Variants in ACLY observed in about 807,000 individuals in gnomAD.
The protein encoded by ACLY is ATP-citrate synthase.
ACLY carries 41 observed loss-of-function variants against 133.0 expected under a neutral mutation model. That is an observed-to-expected ratio of 0.31 (90% CI 0.24 to 0.40). ACLY has a LOEUF of 0.40. ACLY is among the 10% of genes least tolerant of loss of function. The pLI is 1.00. For missense variants in ACLY, 1,046 were observed against 1,453.8 expected (o/e 0.72, Z 4.56); for synonymous variants, 495 against 549.3 (o/e 0.90, Z 1.38).
intron 22 of ACLY, 61 bp downstream of exon 22, chr17:41,878,042 C>T: frequency 8.0e-7 from 1 of 1,246,840 alleles, no homozygotes; most frequent in African/African-American, 1.5e-5. Flanking sequence ...ACGCGAAACC[C>T]ACCACCATAG....
intron 20 of ACLY, 38 bp downstream of exon 20, chr17:41,883,084 C>T: frequency 6.5e-7 from 1 of 1,548,384 alleles, no homozygotes; most frequent in Non-Finnish European, 8.8e-7. Flanking sequence ...TCTTGCAATC[C>T]CCACTCCCAG....
chr17:41,889,412 G>A (rs1168989749), intron 16 of ACLY, among the ~76,000 whole-genome samples: 2 of 150,596 alleles, frequency 1.3e-5, no homozygotes, highest in African/African-American at 4.9e-5. Flanking sequence ...CCAGCTACTC[G>A]GGAGGCTGAG....
At chr17:41,885,322 TGA>T (rs1338745156) in intron 18 of ACLY, among the ~76,000 whole-genome samples, 1 of 152,050 alleles carries the variant, frequency 6.6e-6, no homozygotes, top group Admixed American at 6.6e-5. Flanking sequence ...AAGACCTTGG[TGA>T]GAGTTCTTCC....
At chr17:41,919,597 G>T (rs140499656), upstream of ACLY, among the ~76,000 whole-genome samples, 10 of 152,324 alleles carry the variant, frequency 6.6e-5, no homozygotes, top group East Asian at 1.9e-3. Flanking sequence ...AAGCAAGTGG[G>T]GCTAGGAGGG....
intron 25 of ACLY, among the ~76,000 whole-genome samples, chr17:41,871,426 C>T (rs2048594851): frequency 6.6e-6 from 1 of 150,738 alleles, no homozygotes. Flanking sequence ...AATCTCGGCT[C>T]ACCACAACCT....
chr17:41,887,127 GAAAAAAAAAAAAA>G lies in ACLY; in HGVS notation c.1875+459_1875+471del, dbSNP rs535668437. ...TAACAGGGCAAGACTCCGTCTCAAA[GAAAAAAAAAAAAA>G]AAAAAAAAAAAAAAAAGGCCAAACA... On this transcript the variant is annotated intron_variant, in intron 17 of 28. Transcript: ENST00000352035. 2.8e-3 allele frequency among the ~76,000 whole-genome samples: 312 copies of G among 110,340 alleles called. 7 individuals are homozygous for G. The highest frequency in any genetic ancestry group is 0.022 in the Admixed American group (247 of 11,382). 72.4% of individuals were successfully genotyped at this position (110,340 alleles called of 152,430 possible). A position where few individuals can be genotyped will look rare whatever the true frequency, so the allele number is the denominator to read the frequency against.
chr17:41,888,288 G>A (rs34198442), intron 16 of ACLY, among the ~76,000 whole-genome samples: 6,454 of 152,280 alleles, frequency 0.042, 469 homozygotes, highest in African/African-American at 0.15. Context: ...CCACCCAAGA[G>A]AGGCAGGTAT....
intron 11 of ACLY, among the ~76,000 whole-genome samples, chr17:41,899,312 T>C (rs2049460547): frequency 6.6e-6 from 1 of 151,568 alleles, no homozygotes; most frequent in Non-Finnish European, 1.5e-5. Context: ...ACATATTTAC[T>C]GGCAAGATTC....
At chr17:41,902,962 A>T (rs1214600657) in intron 10 of ACLY, among the ~76,000 whole-genome samples, 1 of 151,932 alleles carries the variant, frequency 6.6e-6, no homozygotes, top group Non-Finnish European at 1.5e-5. Flanking sequence ...AATTTTTTTT[A>T]AATTTTAGTA....
At chr17:41,899,278 CA>C (rs534618272) in intron 11 of ACLY, among the ~76,000 whole-genome samples, 60 of 128,722 alleles carry the variant, frequency 4.7e-4, no homozygotes, top group South Asian at 7.6e-4. Context: ...CTCTTGTCTC[CA>C]AAAAAAAAAA....
At chr17:41,885,099 C>G (rs561368387) in intron 18 of ACLY, among the ~76,000 whole-genome samples, 1 of 152,196 alleles carries the variant, frequency 6.6e-6, no homozygotes, top group South Asian at 2.1e-4. Context: ...CAGCTAGTCT[C>G]GAATTTCTGG....
chr17:41,875,513 T>G (rs1235015591), intron 22 of ACLY, among the ~76,000 whole-genome samples: 1 of 149,824 alleles, frequency 6.7e-6, no homozygotes, highest in Non-Finnish European at 1.5e-5. Flanking sequence ...ACTGTACTGC[T>G]GCCATCTCGG....
At chr17:41,909,299 CA>C (rs2049823400) in intron 5 of ACLY, among the ~76,000 whole-genome samples, 2 of 152,172 alleles carry the variant, frequency 1.3e-5, no homozygotes, top group Non-Finnish European at 2.9e-5. Context: ...GTCAGACAGA[CA>C]GGGGCAAGGA....
At chr17:41,873,717 A>G in intron 23 of ACLY, 94 bp downstream of exon 23, 17 of 1,341,330 alleles carry the variant, frequency 1.3e-5, no homozygotes, top group Non-Finnish European at 1.7e-5. Context: ...TCTTGGACAC[A>G]CTCCCCAGGC....
At chr17:41,886,834 A>G (rs2049058860) in intron 17 of ACLY, among the ~76,000 whole-genome samples, 1 of 152,110 alleles carries the variant, frequency 6.6e-6, no homozygotes, top group Non-Finnish European at 1.5e-5. Flanking sequence ...AATTCAAAGA[A>G]TAATTTCAGC....
rs782549342 is a variant in ACLY at position 41,868,683 on chromosome 17, C to A, written c.3211+26G>T. ...GAACCGTGGGGTTTAAAAAAAAACA[C>A]TTAAAACAACAACGAATGGACTCAC... On this transcript the variant is annotated intron_variant, in intron 28 of 28. Transcript: ENST00000352035. 2.1e-5 allele frequency: 33 copies of A among 1,598,930 alleles called. No individual in the cohort carries two copies. In the Admixed American group the frequency reaches 5.2e-4, roughly 25 times the overall value.
chr17:41,892,240 T>TGGGGG, intron 16 of ACLY, 39 bp downstream of exon 16: 3 of 400,152 alleles, frequency 7.5e-6, no homozygotes, highest in East Asian at 9.4e-5. Context: ...GCATAGTTCA[T>TGGGGG]GGTCCCCACC....
In ACLY at chr17:41,885,299, G is replaced by A. The variant is rs549258252; in HGVS notation, c.2072+813C>T. Among the ~76,000 whole-genome samples the A allele has an allele frequency of 6.6e-5, 10 of 152,216 alleles. No homozygotes were observed. In the East Asian group the frequency reaches 1.9e-3, roughly 29 times the overall value. On this transcript the variant is annotated intron_variant, in intron 18 of 28. Coordinates refer to ENST00000352035, the MANE Select transcript of ACLY (RefSeq NM_001096.3). ...AGTACCCAAGGACTGGGGATTCCCA[G>A]GCTACACCCCTAAAGACCTTGGTGA...
At chr17:41,878,081 T>TA (rs1306972425) in intron 22 of ACLY, 22 bp downstream of exon 22, 51 of 1,505,602 alleles carry the variant, frequency 3.4e-5, no homozygotes, top group Admixed American at 4.5e-5. Context: ...CTCACACTGT[T>TA]AGAGACATTT....
Sources: allele counts gnomAD v4.1 joint callset (sites outside exome capture counted in the v4.1 genomes callset), GRCh38; gene constraint gnomAD v4.1.1; transcripts MANE v1.5; gene names NCBI Gene and HGNC (gene_info 2026-07-23, HGNC 2026-07-21).